ZNF804B: variants seen among roughly 807,000 people sequenced by gnomAD.
ZNF804B encodes the protein zinc finger 804B.
ZNF804B carries 80 observed loss-of-function variants against 101.4 expected under a neutral mutation model. That is an observed-to-expected ratio of 0.79 (90% confidence interval 0.66 to 0.95). The LOEUF (loss-of-function observed/expected upper bound fraction) is 0.95, where lower values mean the gene tolerates loss of function less well. Among genes scored for constraint, ZNF804B ranks in the 40% least tolerant of loss-of-function variants. The probability of loss-of-function intolerance (pLI) is 0.00; values close to 1 mark genes in which losing one functional copy is unlikely to be tolerated. For synonymous variants in ZNF804B, 622 were observed against 558.8 expected, an observed-to-expected ratio of 1.11 and a Z score of -1.59; for missense variants, 1,673 against 1,561.9, an observed-to-expected ratio of 1.07 and a Z score of -1.20.
At chr7:88,955,780 C>T (rs1458974035) in intron 1 of ZNF804B, among the ~76,000 whole-genome samples, 1 of 151,420 alleles carries the variant, frequency 6.6e-6, no homozygotes, top group Admixed American at 6.6e-5. Flanking sequence ...GCCTTCTGCA[C>T]AGCACAGGAA....
At chr7:89,144,448 A>G (rs982635087) in intron 1 of ZNF804B, among the ~76,000 whole-genome samples, 1 of 152,050 alleles carries the variant, frequency 6.6e-6, no homozygotes, top group Admixed American at 6.6e-5. Flanking sequence ...AGCCAGGCAT[A>G]GAAAGAAAAA....
chr7:88,880,328 A>T (rs532779471), intron 1 of ZNF804B, among the ~76,000 whole-genome samples: 1 of 152,338 alleles, frequency 6.6e-6, no homozygotes, highest in Admixed American at 6.5e-5. Context: ...ACTGGATTTA[A>T]CAAAATGGAG....
intron 1 of ZNF804B, among the ~76,000 whole-genome samples, chr7:88,769,419 C>A (rs2519949): frequency 0.39 from 58,909 of 151,728 alleles, 12,970 homozygotes; most frequent in African/African-American, 0.6. Flanking sequence ...TGTCACTTAT[C>A]AATCCAAATT....
intron 1 of ZNF804B, among the ~76,000 whole-genome samples, chr7:89,082,595 C>A (rs1789711630): frequency 6.6e-6 from 1 of 151,762 alleles, no homozygotes; most frequent in Non-Finnish European, 1.5e-5. Context: ...AACTCTTCTT[C>A]TTTGAAATGC....
At chr7:89,186,557 A>G (rs1395599638) in intron 1 of ZNF804B, among the ~76,000 whole-genome samples, 1 of 152,132 alleles carries the variant, frequency 6.6e-6, no homozygotes, top group Non-Finnish European at 1.5e-5. Flanking sequence ...ACACTTAAGT[A>G]TGAATACTTT....
intron 2 of ZNF804B, among the ~76,000 whole-genome samples, chr7:89,270,370 G>T (rs1789873076): frequency 6.6e-6 from 1 of 152,124 alleles, no homozygotes. Context: ...AAGAGCAGAT[G>T]GTTGTAGATG....
intron 1 of ZNF804B, among the ~76,000 whole-genome samples, chr7:89,090,681 C>T (rs2116324961): frequency 6.6e-6 from 1 of 152,000 alleles, no homozygotes; most frequent in South Asian, 2.1e-4. Flanking sequence ...CTTTGGACTG[C>T]CTAGCCACCA....
At chr7:89,293,103 A>G (rs909552356) in intron 2 of ZNF804B, among the ~76,000 whole-genome samples, 24 of 150,660 alleles carry the variant, frequency 1.6e-4, no homozygotes, top group African/African-American at 5.7e-4. Context: ...TATCTTCTGA[A>G]CTTTTGAATG....
In ZNF804B at chr7:88,889,201, A is replaced by G. The variant is rs188237900; in HGVS notation, c.108+129117A>G. On this transcript the variant is annotated intron_variant, in intron 1 of 3. Coordinates refer to ENST00000333190, the MANE Select transcript of ZNF804B (RefSeq NM_181646.5). ...TTTATCCAGTCCACCACTGATGGGC[A>G]CCGAGGTTGATTCCATGTTTTTGTT... 2.2e-3 allele frequency among the ~76,000 whole-genome samples: 338 copies of G among 152,242 alleles called. 2 individuals are homozygous for G. The highest frequency in any genetic ancestry group is 1.7e-3 in the Non-Finnish European group (116 of 68,016).
intron 1 of ZNF804B, among the ~76,000 whole-genome samples, chr7:89,179,771 C>T (rs1423707739): frequency 1.3e-5 from 2 of 152,112 alleles, no homozygotes; most frequent in East Asian, 1.9e-4. Context: ...CTTGTTTGTA[C>T]ACGTGTTTCT....
chr7:89,145,998 C>T (rs1321919964), intron 1 of ZNF804B, among the ~76,000 whole-genome samples: 1 of 152,034 alleles, frequency 6.6e-6, no homozygotes, highest in African/African-American at 2.4e-5. Context: ...CTTCAGCATG[C>T]TTTGAATCAG....
chr7:89,298,192 T>C (rs1046154908), intron 2 of ZNF804B, among the ~76,000 whole-genome samples: 2 of 121,670 alleles, frequency 1.6e-5, no homozygotes, highest in African/African-American at 6.3e-5. Context: ...TGTGTATATA[T>C]ATCTATATAG....
At chr7:89,067,424 C>T (rs560054731) in intron 1 of ZNF804B, among the ~76,000 whole-genome samples, 81 of 152,268 alleles carry the variant, frequency 5.3e-4, no homozygotes, top group Admixed American at 9.2e-4. Flanking sequence ...TATATATGTA[C>T]AAACTCCTTA....
chr7:89,102,381 C>T (rs7781183), intron 1 of ZNF804B, among the ~76,000 whole-genome samples: 10,722 of 151,764 alleles, frequency 0.071, 762 homozygotes, highest in African/African-American at 0.18. Context: ...TAATAAAAAC[C>T]ATTATGAGTG....
rs182181545 is a variant in ZNF804B at position 88,761,952 on chromosome 7, G to A, written c.108+1868G>A. On this transcript the variant is annotated intron_variant, in intron 1 of 3. Coordinates refer to ENST00000333190, the MANE Select transcript of ZNF804B (RefSeq NM_181646.5). ...TATAGAGACTGGATGTGTGAATGTGGATGGGAGAAGACAGCCCATTGACCA... is the reference window on the plus strand; with the variant it reads ...TATAGAGACTGGATGTGTGAATGTGAATGGGAGAAGACAGCCCATTGACCA... Among the ~76,000 whole-genome samples, 10 of 152,262 alleles carry A rather than the reference G, an allele frequency of 6.6e-5. No individual in the cohort carries two copies. The East Asian group carries it at 1.4e-3, about 21-fold the overall frequency.
At position 89,334,696 on chromosome 7, in the gene ZNF804B, G is replaced by C. The variant is rs776404934; in HGVS notation, c.1714G>C (p.Asp572His). 6.8e-6 allele frequency: 11 copies of C among 1,613,510 alleles called. No homozygotes were observed. In the East Asian group the frequency reaches 2.5e-4, roughly 36 times the overall value. ...NKSEYTFSAN[D>H]LEMKNPKVPL... Reference sequence around the variant, plus strand: ...GAGTGAATATACTTTCAGTGCAAATGATTTGGAAATGAAAAATCCTAAAGT... The same window carrying C: ...GAGTGAATATACTTTCAGTGCAAATCATTTGGAAATGAAAAATCCTAAAGT... Residue 572 changes from aspartate (D) to histidine (H), a missense_variant, in exon 4 of 4, where the codon GAT becomes CAT. Coordinates refer to ENST00000333190, the MANE Select transcript of ZNF804B (RefSeq NM_181646.5).
In ZNF804B at chr7:89,146,719, G is replaced by T. The variant is rs191957719; in HGVS notation, c.109-71436G>T. On this transcript the variant is annotated intron_variant, in intron 1 of 3. Transcript: ENST00000333190. ...AAGAACTTTATGTAAATTAAATTAA[G>T]ATATTAAAAATTAATAAGATAATTG... Among the ~76,000 whole-genome samples the T allele has an allele frequency of 1.7e-3, 261 of 151,926 alleles. 1 individual carries two copies. Among genetic ancestry groups the T allele is most frequent in the Admixed American group, 4.0e-3 (61 of 15,212 alleles).
intron 2 of ZNF804B, among the ~76,000 whole-genome samples, chr7:89,247,861 C>A (rs35118812): frequency 6.6e-6 from 1 of 151,914 alleles, no homozygotes; most frequent in Admixed American, 6.6e-5. Context: ...ATTTCTAATG[C>A]AATTCAGGAA....
intron 1 of ZNF804B, among the ~76,000 whole-genome samples, chr7:88,772,859 A>G (rs1381571612): frequency 6.6e-6 from 1 of 151,252 alleles, no homozygotes; most frequent in Admixed American, 6.6e-5. Flanking sequence ...GGAGCCAGGC[A>G]AAATAGTCAT....
Sources: gnomAD v4.1 joint callset for allele counts (sites outside exome capture counted in the v4.1 genomes callset) on GRCh38, gnomAD v4.1.1 for gene constraint, MANE v1.5 for transcripts, NCBI Gene and HGNC (gene_info 2026-07-23, HGNC 2026-07-21) for gene names.